Variants in DAB1 observed in about 807,000 individuals in gnomAD.
The protein encoded by DAB1 is DAB adaptor protein 1.
Under a neutral mutation model 64.6 loss-of-function variants are expected in DAB1, and 15 were observed. The observed-to-expected ratio is 0.23, with a 90% CI of 0.16 to 0.36. The LOEUF (loss-of-function observed/expected upper bound fraction) is 0.36, where lower values mean the gene tolerates loss of function less well. DAB1 is among the 10% of genes least tolerant of loss of function. The pLI, the probability that DAB1 is intolerant of heterozygous loss-of-function variation, is 1.00. For missense variants in DAB1, 596 were observed against 706.7 expected, an observed-to-expected ratio of 0.84 and a Z score of 1.78; for synonymous variants, 235 against 251.9, an observed-to-expected ratio of 0.93 and a Z score of 0.64.
At chr1:57,695,389 AAAGAAAGAAAGAAAGAAAG>A (rs1646827662) in intron 6 of DAB1, among the ~76,000 whole-genome samples, 1 of 74,670 alleles carries the variant, frequency 1.3e-5, no homozygotes, top group South Asian at 4.3e-4. Flanking sequence ...AGAAAGAAAG[AAAGAAAGAAAGAAAGAAAG>A]AAAGAAAGAA....
At chr1:57,683,325 C>T (rs1418825092) in intron 6 of DAB1, among the ~76,000 whole-genome samples, 1 of 152,124 alleles carries the variant, frequency 6.6e-6, no homozygotes, top group East Asian at 1.9e-4. Context: ...AACATGAGTG[C>T]AGTGTCAGTG....
In DAB1 at chr1:57,352,431, C is replaced by T. The variant is rs191524429; in HGVS notation, c.-136-61265G>A. ...CAAAATATGTTTTTTAAATGTTGGA[C>T]GAATTTTGGCTTGAAGAGGTATACC... On this transcript the variant is annotated intron_variant, in intron 1 of 14. Transcript: ENST00000371236. Among the ~76,000 whole-genome samples the T allele has an allele frequency of 4.1e-3, 625 of 152,192 alleles. 5 individuals are homozygous for T. Among genetic ancestry groups the T allele is most frequent in the Non-Finnish European group, 5.0e-3 (337 of 67,994 alleles).
intron 3 of DAB1, among the ~76,000 whole-genome samples, chr1:58,502,935 T>G (rs1441291903): frequency 6.6e-6 from 1 of 152,216 alleles, no homozygotes; most frequent in East Asian, 1.9e-4. Context: ...GAAAAATGTC[T>G]CACGTCTTTG....
chr1:57,079,131 C>T (rs985188109), intron 4 of DAB1, among the ~76,000 whole-genome samples: 1 of 152,044 alleles, frequency 6.6e-6, no homozygotes, highest in Admixed American at 6.6e-5. Context: ...TACACATATC[C>T]ATATATGTGT....
chr1:58,183,314 C>T (rs770065298), intron 4 of DAB1, among the ~76,000 whole-genome samples: 1 of 151,986 alleles, frequency 6.6e-6, no homozygotes, highest in Non-Finnish European at 1.5e-5. Flanking sequence ...TATGAGGTCT[C>T]ATATTCAGCC....
At chr1:57,974,513 G>T (rs983702723) in intron 5 of DAB1, among the ~76,000 whole-genome samples, 2 of 151,644 alleles carry the variant, frequency 1.3e-5, no homozygotes, top group African/African-American at 2.4e-5. Context: ...TATATAGATA[G>T]ATAGATATAT....
At chr1:57,560,290 T>C (rs555948684) in intron 7 of DAB1, among the ~76,000 whole-genome samples, 2 of 152,352 alleles carry the variant, frequency 1.3e-5, no homozygotes, top group East Asian at 3.9e-4. Flanking sequence ...ATCACACTGG[T>C]CCATTACATT....
chr1:57,904,193 G>A (rs1196752811), intron 5 of DAB1, among the ~76,000 whole-genome samples: 2 of 152,214 alleles, frequency 1.3e-5, no homozygotes, highest in Non-Finnish European at 2.9e-5. Flanking sequence ...AGGTGAAGCT[G>A]ATGCTGCTGG....
At chr1:57,730,702 T>C (rs1647371787) in intron 6 of DAB1, among the ~76,000 whole-genome samples, 1 of 152,228 alleles carries the variant, frequency 6.6e-6, no homozygotes, top group South Asian at 2.1e-4. Context: ...TCTTCCTCTC[T>C]GATCTACAGA....
chr1:57,743,415 T>A (rs1344228775), intron 6 of DAB1, among the ~76,000 whole-genome samples: 1 of 152,130 alleles, frequency 6.6e-6, no homozygotes, highest in Non-Finnish European at 1.5e-5. Context: ...TCACCACCTA[T>A]CCCCAAACCT....
At chr1:58,077,609 A>G (rs1160025986) in intron 5 of DAB1, among the ~76,000 whole-genome samples, 2 of 152,254 alleles carry the variant, frequency 1.3e-5, no homozygotes, top group African/African-American at 4.8e-5. Flanking sequence ...GAAGGATTAC[A>G]GGCTGGGTAA....
At chr1:57,876,382 G>T (rs1235199989) in intron 1 of DAB1, 3 of 152,298 alleles carry the variant, frequency 2.0e-5, no homozygotes, top group Non-Finnish European at 4.4e-5. Flanking sequence ...GAAACACGAT[G>T]ATATGAAAAA....
At chr1:58,274,872 G>A (rs1228089285) in intron 4 of DAB1, among the ~76,000 whole-genome samples, 3 of 151,958 alleles carry the variant, frequency 2.0e-5, no homozygotes, top group African/African-American at 7.3e-5. Flanking sequence ...GCTCGCGCAC[G>A]GTGCGCGCAC....
intron 4 of DAB1, among the ~76,000 whole-genome samples, chr1:57,124,409 A>T (rs1164395295): frequency 6.6e-6 from 1 of 151,640 alleles, no homozygotes; most frequent in Non-Finnish European, 1.5e-5. Context: ...AGTCTCAGAC[A>T]CTCTCGTTGG....
At chr1:57,775,387 CTAATA>C (rs1470329952) in intron 6 of DAB1, among the ~76,000 whole-genome samples, 4 of 151,344 alleles carry the variant, frequency 2.6e-5, no homozygotes, top group Admixed American at 6.6e-5. Context: ...CCCTATTTTT[CTAATA>C]TAAGTATTTA....
chr1:58,300,658 A>AG (rs1557726397), intron 4 of DAB1, among the ~76,000 whole-genome samples: 7 of 100,596 alleles, frequency 7.0e-5, no homozygotes, highest in African/African-American at 2.3e-4. Context: ...GGAAGGAAGG[A>AG]AGGAAGGAAG....
chr1:58,354,472 C>T (rs1227230123), intron 3 of DAB1, among the ~76,000 whole-genome samples: 1 of 152,170 alleles, frequency 6.6e-6, no homozygotes, highest in Non-Finnish European at 1.5e-5. Context: ...TTTTCCAGAA[C>T]AGTGACAGTA....
At chr1:57,285,258 C>T (rs1672221612) in intron 2 of DAB1, among the ~76,000 whole-genome samples, 1 of 151,980 alleles carries the variant, frequency 6.6e-6, no homozygotes, top group Admixed American at 6.6e-5. Context: ...ATCTCCCTCA[C>T]CTTTCTTTCT....
At chr1:58,043,074 T>C (rs1647162727) in intron 5 of DAB1, among the ~76,000 whole-genome samples, 1 of 152,162 alleles carries the variant, frequency 6.6e-6, no homozygotes, top group Admixed American at 6.5e-5. Context: ...AGATCAAATG[T>C]CCTGACAGTA....
Sources: allele counts gnomAD v4.1 joint callset (sites outside exome capture counted in the v4.1 genomes callset), GRCh38; gene constraint gnomAD v4.1.1; transcripts MANE v1.5; gene names NCBI Gene and HGNC (gene_info 2026-07-23, HGNC 2026-07-21).